Variants in ANKS1A observed in about 807,000 individuals in gnomAD.
ANKS1A encodes ankyrin repeat and SAM domain-containing protein 1A.
In ANKS1A, 55 loss-of-function variants were observed where a neutral mutation model predicts 120.3. The observed-to-expected ratio is 0.46, with a 90% CI of 0.37 to 0.57. The LOEUF is 0.57. Ranked by LOEUF, ANKS1A falls within the 20% of genes least tolerant of loss-of-function variation. The pLI is 0.00. For missense variants in ANKS1A, 1,123 were observed against 1,480.3 expected, an observed-to-expected ratio of 0.76 and a Z score of 3.96; for synonymous variants, 590 against 604.7, an observed-to-expected ratio of 0.98 and a Z score of 0.36.
chr6:34,999,800 G>A (rs554700470), intron 10 of ANKS1A, among the ~76,000 whole-genome samples: 2 of 152,078 alleles, frequency 1.3e-5, no homozygotes, highest in African/African-American at 4.8e-5. Context: ...AGCAGCATAA[G>A]CGGCTGGCAG....
At chr6:34,907,326 T>G (rs1017091046) in intron 1 of ANKS1A, among the ~76,000 whole-genome samples, 2 of 152,158 alleles carry the variant, frequency 1.3e-5, no homozygotes, top group Non-Finnish European at 2.9e-5. Context: ...TGATCAATGA[T>G]TTCTTAAGTT....
In ANKS1A at chr6:35,083,158, C is replaced by T. The variant is rs754435946; in HGVS notation, c.2839C>T (p.Leu947=). The change falls in exon 19 of 24, where the codon CTG becomes TTG. Residue 947 remains leucine, a synonymous_variant. Coordinates refer to ENST00000360359, the MANE Select transcript of ANKS1A (RefSeq NM_015245.3). ...FESCGYEANY[L]GSMLIKDLRG... is the part of the protein sequence containing the mutation. ...TGGCCACTGCTCGCCCCCACAGTAT[C>T]TGGGCTCCATGCTGATCAAAGATCT... 6.2e-7 allele frequency: 1 copy of T among 1,613,992 alleles called. No homozygotes were observed. Among genetic ancestry groups the T allele is most frequent in the Non-Finnish European group, 8.5e-7 (1 of 1,180,002 alleles).
intron 11 of ANKS1A, among the ~76,000 whole-genome samples, chr6:35,048,427 C>A (rs1411766852): frequency 6.6e-6 from 1 of 152,154 alleles, no homozygotes; most frequent in African/African-American, 2.4e-5. Flanking sequence ...GCCCTGAGCC[C>A]GCTGGCAGAT....
At chr6:34,999,282 C>A (rs191279043) in intron 10 of ANKS1A, among the ~76,000 whole-genome samples, 1 of 152,104 alleles carries the variant, frequency 6.6e-6, no homozygotes, top group Non-Finnish European at 1.5e-5. Context: ...TCACCCATGG[C>A]GTGCCTGTAC....
chr6:34,907,978 G>C (rs1018988455), intron 1 of ANKS1A, among the ~76,000 whole-genome samples: 2 of 152,102 alleles, frequency 1.3e-5, no homozygotes, highest in African/African-American at 4.8e-5. Flanking sequence ...GATTGCTTGA[G>C]TGCAGAAGTA....
At chr6:35,011,866 C>T (rs1305647107) in intron 10 of ANKS1A, among the ~76,000 whole-genome samples, 2 of 152,140 alleles carry the variant, frequency 1.3e-5, no homozygotes, top group African/African-American at 4.8e-5. Context: ...GGGCCAGCTG[C>T]CATGCTGATT....
intron 13 of ANKS1A, among the ~76,000 whole-genome samples, chr6:35,069,769 G>A (rs1561953874): frequency 6.6e-6 from 1 of 151,868 alleles, no homozygotes; most frequent in African/African-American, 2.4e-5. Context: ...GCTCATGCCT[G>A]TAATCCCAGC....
chr6:34,924,131 T>G (rs980195235), intron 1 of ANKS1A, among the ~76,000 whole-genome samples: 42 of 121,376 alleles, frequency 3.5e-4, no homozygotes, highest in African/African-American at 7.1e-4. Context: ...GTGTGTGTAT[T>G]TTTCTTTTCC....
chr6:34,922,016 C>CTT (rs558428378), intron 1 of ANKS1A, among the ~76,000 whole-genome samples: 3,873 of 133,558 alleles, frequency 0.029, 197 homozygotes, highest in East Asian at 0.2. Flanking sequence ...AATTGACTTC[C>CTT]TTTTTTTTTT....
In ANKS1A at chr6:34,962,662, G is replaced by C. The variant is rs544683516; in HGVS notation, c.198-4577G>C. On this transcript the variant is annotated intron_variant, in intron 1 of 23. Transcript: ENST00000360359. ...AAATTAGCCAGGCATGGTGGCATGC[G>C]CCTGTAGTCCCAGCTACTCAGGAGG... 1.2e-3 allele frequency among the ~76,000 whole-genome samples: 182 copies of C among 151,650 alleles called. 1 individual carries two copies. The highest frequency in any genetic ancestry group is 6.8e-3 in the Middle Eastern group (2 of 294).
chr6:34,939,229 G>A (rs992641786), intron 1 of ANKS1A, among the ~76,000 whole-genome samples: 1 of 152,160 alleles, frequency 6.6e-6, no homozygotes, highest in African/African-American at 2.4e-5. Flanking sequence ...CTTCCCTACA[G>A]GGCCAGGCCC....
In ANKS1A at chr6:35,088,495, G is replaced by A. The variant is rs529738509; in HGVS notation, c.3402-111G>A. On this transcript the variant is annotated intron_variant, in intron 23 of 23. Coordinates refer to ENST00000360359, the MANE Select transcript of ANKS1A (RefSeq NM_015245.3). ...AAGCAGGCATGGAGGGTGCCCCGGGGAGGCTGTGAGGGATCGTCTGTCCTG... is the reference window on the plus strand; with the variant it reads ...AAGCAGGCATGGAGGGTGCCCCGGGAAGGCTGTGAGGGATCGTCTGTCCTG... The A allele has an allele frequency of 5.3e-3, 7,411 of 1,407,624 alleles. 27 individuals are homozygous for A. Among genetic ancestry groups the A allele is most frequent in the Non-Finnish European group, 7.0e-3 (6,966 of 992,418 alleles). 87.2% of individuals were successfully genotyped at this position (1,407,624 alleles called of 1,614,324 possible). A position where few individuals can be genotyped will look rare whatever the true frequency, so the allele number is the denominator to read the frequency against.
At chr6:34,902,066 C>T (rs2073530955) in intron 1 of ANKS1A, among the ~76,000 whole-genome samples, 2 of 152,102 alleles carry the variant, frequency 1.3e-5, no homozygotes, top group Non-Finnish European at 2.9e-5. Flanking sequence ...ACTTTTTAAT[C>T]TATTGCTATC....
At chr6:34,996,693 G>A (rs937226212) in intron 10 of ANKS1A, among the ~76,000 whole-genome samples, 2 of 152,082 alleles carry the variant, frequency 1.3e-5, no homozygotes, top group East Asian at 3.9e-4. Flanking sequence ...GGATGGTCTC[G>A]ATCTCTTGAC....
chr6:35,097,537 A>G, the ANKS1A span, among the ~76,000 whole-genome samples: 1 of 151,762 alleles, frequency 6.6e-6, no homozygotes, highest in Non-Finnish European at 1.5e-5. Flanking sequence ...CTTCTAGACC[A>G]AACAGGTGAC....
In ANKS1A at chr6:34,895,780, CTTTTT is replaced by C. The variant is rs995285475; in HGVS notation, c.197+6202_197+6206del. ...AAAATAGTTTTTCAAGAATGTCTTT[CTTTTT>C]TTTTTTTTTTTTTTTTTTTTCTGAG... On this transcript the variant is annotated intron_variant, in intron 1 of 23. Transcript: ENST00000360359. Among the ~76,000 whole-genome samples, 601 of 90,368 alleles carry C rather than the reference CTTTTT, an allele frequency of 6.7e-3. 2 individuals are homozygous for C. Among genetic ancestry groups the C allele is most frequent in the African/African-American group, 0.022 (475 of 21,920 alleles). 59.3% of individuals were successfully genotyped at this position (90,368 alleles called of 152,430 possible).
rs1253246901 is a variant in ANKS1A, at chr6:35,082,139, G to A, written c.2710-552G>A. On this transcript the variant is annotated intron_variant, in intron 17 of 23. Coordinates refer to ENST00000360359, the MANE Select transcript of ANKS1A (RefSeq NM_015245.3). The surrounding 1 kb of genome is among the most constrained non-coding windows in gnomAD (Gnocchi z 4.1). ...CTTCCTCTCCATTCCTTCCACCAGTGCCCTGGACAGGGACCCATGATCTCT... is the reference window on the plus strand; with the variant it reads ...CTTCCTCTCCATTCCTTCCACCAGTACCCTGGACAGGGACCCATGATCTCT... Among the ~76,000 whole-genome samples the A allele has an allele frequency of 1.3e-5, 2 of 152,064 alleles. No individual in the cohort carries two copies. Among genetic ancestry groups the A allele is most frequent in the Non-Finnish European group, 2.9e-5 (2 of 67,996 alleles).
At chr6:34,922,977 C>T (rs573960049) in intron 1 of ANKS1A, among the ~76,000 whole-genome samples, 1 of 152,270 alleles carries the variant, frequency 6.6e-6, no homozygotes, top group South Asian at 2.1e-4. Flanking sequence ...AGGTGTGAGC[C>T]ACTGTGCCCA....
intron 1 of ANKS1A, among the ~76,000 whole-genome samples, chr6:34,895,780 CTTTTTTTTTTTTT>C (rs995285475): frequency 2.2e-5 from 2 of 90,410 alleles, no homozygotes; most frequent in Non-Finnish European, 4.2e-5. Context: ...GAATGTCTTT[CTTTTTTTTTTTTT>C]TTTTTTTTTT....
Sources: gnomAD v4.1 joint callset for allele counts (sites outside exome capture counted in the v4.1 genomes callset) on GRCh38, gnomAD v4.1.1 for gene constraint, Gnocchi (gnomAD v3.1) non-coding constraint, MANE v1.5 for transcripts, NCBI Gene and HGNC (gene_info 2026-07-23, HGNC 2026-07-21) for gene names.